Variants in EHF observed in about 807,000 individuals in gnomAD.
EHF encodes ESE3 transcription factor.
EHF carries 14 observed loss-of-function variants against 45.1 expected under a neutral mutation model. That is an observed-to-expected ratio of 0.31 (90% CI 0.21 to 0.49). The LOEUF is 0.49. Ranked by LOEUF, EHF falls within the 20% of genes least tolerant of loss-of-function variation. The pLI is 0.99. For synonymous variants in EHF, 136 were observed against 131.8 expected, an observed-to-expected ratio of 1.03 and a Z score of -0.22; for missense variants, 282 against 371.4, an observed-to-expected ratio of 0.76 and a Z score of 1.98.
Position 34,661,292 on chromosome 11 carries a change from C to T in EHF, c.*2361C>T, listed in dbSNP as rs1472440573. Among the ~76,000 whole-genome samples the T allele has an allele frequency of 6.6e-6, 1 of 152,144 alleles. No homozygotes were observed. The highest frequency in any genetic ancestry group is 1.5e-5 in the Non-Finnish European group (1 of 68,014). On this transcript the variant is annotated 3_prime_UTR_variant, in exon 9 of 9. Coordinates refer to ENST00000257831, the MANE Select transcript of EHF (RefSeq NM_012153.6). The stretch of plus-strand genomic sequence containing the variant: ...TATTAGGGGCATCTGCCAATTCTCT[C>T]ACTGTGGTTCCTTCTCTGACTTTGC...
intron 6 of EHF, among the ~76,000 whole-genome samples, chr11:34,653,701 C>A (rs1249720631): frequency 6.6e-6 from 1 of 152,200 alleles, no homozygotes; most frequent in East Asian, 1.9e-4. Flanking sequence ...GGGTCAGTTT[C>A]TTTCAGAATA....
intron 2 of EHF, 149 bp from the exon 3 acceptor site, chr11:34,646,290 T>C (rs187451858): frequency 4.7e-6 from 6 of 1,282,114 alleles, no homozygotes; most frequent in Admixed American, 4.1e-5. Context: ...GACATGAAAA[T>C]GCACTTCTGC....
At chr11:34,632,511 G>A in intron 1 of EHF, 1 of 1,534,266 alleles carries the variant, frequency 6.5e-7, no homozygotes, top group Non-Finnish European at 8.7e-7. Flanking sequence ...TTTGGCTCAG[G>A]CTGCTTTGTG....
chr11:34,639,435 CA>C (rs1197398195), intron 1 of EHF, among the ~76,000 whole-genome samples: 1 of 152,174 alleles, frequency 6.6e-6, no homozygotes, highest in African/African-American at 2.4e-5. Flanking sequence ...TTACAATTCT[CA>C]AGTCACATTT....
chr11:34,643,733 G>A (rs947727087), intron 2 of EHF, among the ~76,000 whole-genome samples: 22 of 152,160 alleles, frequency 1.4e-4, no homozygotes, highest in African/African-American at 4.8e-4. Flanking sequence ...CTGGGCAGTT[G>A]CATTTTCTGT....
At chr11:34,641,253 A>G (rs1853966998) in intron 1 of EHF, among the ~76,000 whole-genome samples, 1 of 152,194 alleles carries the variant, frequency 6.6e-6, no homozygotes, top group Admixed American at 6.5e-5. Context: ...GCTAATAATC[A>G]TCATACATGT....
chr11:34,650,330 C>A (rs1311639274), intron 4 of EHF, among the ~76,000 whole-genome samples: 6 of 152,210 alleles, frequency 3.9e-5, no homozygotes, highest in Non-Finnish European at 8.8e-5. Flanking sequence ...CCCCATACCT[C>A]TTTGGTTCAG....
Position 34,646,579 on chromosome 11 carries a change from A to G in EHF, c.238A>G (p.Ile80Val). The change falls in exon 3 of 9, where the codon ATC becomes GTC. Residue 80 changes from isoleucine to valine, a missense_variant. Coordinates refer to ENST00000257831, the MANE Select transcript of EHF (RefSeq NM_012153.6). ...TTGTATCCCTTTCCAAGAGTTCGACATCAACGGCGAGCACCTCTGCAGCAT... is the reference window on the plus strand; with the variant it reads ...TTGTATCCCTTTCCAAGAGTTCGACGTCAACGGCGAGCACCTCTGCAGCAT... Reference protein sequence around the residue: ...ANCIPFQEFDINGEHLCSMSL... With the variant: ...ANCIPFQEFDVNGEHLCSMSL... The G allele has an allele frequency of 1.2e-6, 2 of 1,613,740 alleles. No homozygotes were observed. Among genetic ancestry groups the G allele is most frequent in the Non-Finnish European group, 1.7e-6 (2 of 1,179,812 alleles).
intron 1 of EHF, chr11:34,624,332 C>T (rs764712726): frequency 3.1e-5 from 31 of 985,182 alleles, no homozygotes; most frequent in Non-Finnish European, 3.6e-5. Context: ...GCCGGGTCTG[C>T]GGCGGGGATT....
intron 2 of EHF, among the ~76,000 whole-genome samples, chr11:34,643,882 G>C (rs969233433): frequency 6.6e-6 from 1 of 152,248 alleles, no homozygotes; most frequent in Admixed American, 6.5e-5. Context: ...GGGGAAATGT[G>C]TTCAGCAGGA....
At position 34,646,557 on chromosome 11, in the gene EHF, T is replaced by C. The variant is rs762001580; in HGVS notation, c.216T>C (p.Cys72=). ...LLDTNQLDAN[C]IPFQEFDING... ...ACACCAACCAGCTGGATGCCAATTG[T>C]ATCCCTTTCCAAGAGTTCGACATCA... Residue 72 remains cysteine, a synonymous_variant, in exon 3 of 9, where the codon TGT becomes TGC. Transcript: ENST00000257831. 9.3e-6 allele frequency: 15 copies of C among 1,613,718 alleles called. No homozygotes were observed. The highest frequency in any genetic ancestry group is 1.1e-5 in the Non-Finnish European group (13 of 1,179,876).
intron 7 of EHF, 61 bp downstream of exon 7, chr11:34,657,031 G>C: frequency 3.1e-6 from 5 of 1,593,882 alleles, no homozygotes; most frequent in Non-Finnish European, 2.6e-6. Flanking sequence ...CACATCTGGA[G>C]GCCACTAGTT....
intron 1 of EHF, among the ~76,000 whole-genome samples, chr11:34,625,500 C>T (rs1036086808): frequency 1.3e-5 from 2 of 152,116 alleles, no homozygotes; most frequent in South Asian, 2.1e-4. Flanking sequence ...GTAGATCGAA[C>T]GTATGTGGAC....
intron 1 of EHF, chr11:34,622,408 G>A (rs12789617): frequency 0.065 from 83,366 of 1,281,564 alleles, 5,843 homozygotes; most frequent in East Asian, 0.47. Flanking sequence ...TGGTTCTGCA[G>A]CCATGGAGGT....
At chr11:34,646,054 GTGTGTGTGTGTGTA>G (rs990898956) in intron 2 of EHF, among the ~76,000 whole-genome samples, 1 of 151,656 alleles carries the variant, frequency 6.6e-6, no homozygotes, top group African/African-American at 2.4e-5. Flanking sequence ...GTGTGTGTGT[GTGTGTGTGTGTGTA>G]TGTATAAGAG....
At chr11:34,630,831 C>G (rs1243082467) in intron 1 of EHF, among the ~76,000 whole-genome samples, 1 of 152,142 alleles carries the variant, frequency 6.6e-6, no homozygotes, top group Non-Finnish European at 1.5e-5. Context: ...ACACCCAGTT[C>G]TTAATGCTCC....
At chr11:34,656,079 T>C (rs1383083343) in intron 6 of EHF, among the ~76,000 whole-genome samples, 2 of 150,738 alleles carry the variant, frequency 1.3e-5, no homozygotes, top group African/African-American at 4.9e-5. Context: ...CACACACACA[T>C]ATACACACAC....
intron 6 of EHF, among the ~76,000 whole-genome samples, chr11:34,652,191 A>AAT (rs1463011079): frequency 6.6e-6 from 1 of 152,262 alleles, no homozygotes; most frequent in Non-Finnish European, 1.5e-5. Flanking sequence ...TTAGAGAAAG[A>AAT]ATACCTCATA....
intron 6 of EHF, among the ~76,000 whole-genome samples, chr11:34,656,252 G>A (rs1855661568): frequency 6.6e-6 from 1 of 152,214 alleles, no homozygotes; most frequent in South Asian, 2.1e-4. Context: ...AGTCCACTGT[G>A]GCCCTCTGTA....
Sources: gnomAD v4.1 joint callset for allele counts (sites outside exome capture counted in the v4.1 genomes callset) on GRCh38, gnomAD v4.1.1 for gene constraint, MANE v1.5 for transcripts, NCBI Gene and HGNC (gene_info 2026-07-23, HGNC 2026-07-21) for gene names.